The following PIGL variants were observed in gnomAD, a reference collection of about 807,000 sequenced individuals.
PIGL encodes the protein phosphatidylinositol glycan anchor biosynthesis class L.
Under a neutral mutation model 31.1 loss-of-function variants are expected in PIGL, and 22 were observed. That is an observed-to-expected ratio of 0.71 (90% CI 0.51 to 1.01). The LOEUF (loss-of-function observed/expected upper bound fraction) is 1.01, where lower values mean the gene tolerates loss of function less well. Ranked by LOEUF, PIGL falls within the 50% of genes least tolerant of loss-of-function variation. The pLI is 0.00. For synonymous variants in PIGL, 131 were observed against 117.4 expected (o/e 1.12, Z -0.75); for missense variants, 302 against 315.9 (o/e 0.96, Z 0.33).
chr17:16,279,776 G>T (rs2142789210), intron 2 of PIGL: 1 of 152,316 alleles, frequency 6.6e-6, no homozygotes, highest in East Asian at 1.9e-4. Flanking sequence ...GCTTGAAGTG[G>T]ACTAGTATCT....
intron 2 of PIGL, among the ~76,000 whole-genome samples, chr17:16,282,512 C>T (rs1159802388): frequency 2.0e-5 from 3 of 152,082 alleles, no homozygotes; most frequent in Non-Finnish European, 4.4e-5. Flanking sequence ...AATCATTTTA[C>T]CTCCCAAACA....
intron 2 of PIGL, among the ~76,000 whole-genome samples, chr17:16,270,527 A>C (rs904635248): frequency 1.3e-5 from 2 of 152,064 alleles, no homozygotes; most frequent in Non-Finnish European, 2.9e-5. Flanking sequence ...CTGAGAAAAA[A>C]TTATGCAGTA....
rs1037602277 is a variant in PIGL, at chr17:16,316,796, G to C, written c.526+84G>C. On this transcript the variant is annotated intron_variant, in intron 5 of 6. Coordinates refer to ENST00000225609, the MANE Select transcript of PIGL (RefSeq NM_004278.4). ...AGGGGGAAATTTGCAAATCCACAGAGAGCTGCCCTCAGCCGAGCAGAGGCA... is the reference window on the plus strand; with the variant it reads ...AGGGGGAAATTTGCAAATCCACAGACAGCTGCCCTCAGCCGAGCAGAGGCA... 9 of 1,589,648 alleles carry C rather than the reference G, an allele frequency of 5.7e-6. No individual in the cohort carries two copies. The African/African-American group carries it at 8.1e-5, about 14-fold the overall frequency.
At chr17:16,239,791 C>T (rs1568787932) in intron 2 of PIGL, among the ~76,000 whole-genome samples, 1 of 145,654 alleles carries the variant, frequency 6.9e-6, no homozygotes, top group East Asian at 2.0e-4. Context: ...GAATTCAACT[C>T]TTTTTTTTTT....
chr17:16,219,755 G>GAGGTTTTGCT (rs1401580869), intron 1 of PIGL, among the ~76,000 whole-genome samples: 2 of 151,844 alleles, frequency 1.3e-5, no homozygotes, highest in African/African-American at 4.8e-5. Flanking sequence ...TGGTAGAGCT[G>GAGGTTTTGCT]AGGTTTTGCT....
intron 2 of PIGL, among the ~76,000 whole-genome samples, chr17:16,270,403 G>A (rs961720238): frequency 2.6e-5 from 4 of 151,594 alleles, no homozygotes; most frequent in African/African-American, 9.7e-5. Context: ...AGTTTTCCTA[G>A]ACTGATCCTC....
Position 16,314,219 on chromosome 17 carries a change from C to G in PIGL, c.494+605C>G, listed in dbSNP as rs182549129. ...ATACAAACATAGATGTGTTTCCTGTCCCCTAGCAAAGTGCTTCTCCTGGGC... is the reference window on the plus strand; with the variant it reads ...ATACAAACATAGATGTGTTTCCTGTGCCCTAGCAAAGTGCTTCTCCTGGGC... On this transcript the variant is annotated intron_variant, in intron 4 of 6. Coordinates refer to ENST00000225609, the MANE Select transcript of PIGL (RefSeq NM_004278.4). 1.5e-4 allele frequency among the ~76,000 whole-genome samples: 23 copies of G among 152,322 alleles called. No individual in the cohort carries two copies. The East Asian group carries it at 4.4e-3, about 29-fold the overall frequency.
chr17:16,256,333 GTTGTTTGT>G (rs370635313), intron 2 of PIGL, among the ~76,000 whole-genome samples: 2 of 151,796 alleles, frequency 1.3e-5, no homozygotes, highest in Admixed American at 6.6e-5. Flanking sequence ...GGGTTTTTTT[GTTGTTTGT>G]TTGTTTGTTT....
intron 1 of PIGL, among the ~76,000 whole-genome samples, chr17:16,232,151 A>C (rs2092681915): frequency 6.6e-6 from 1 of 152,020 alleles, no homozygotes; most frequent in Non-Finnish European, 1.5e-5. Flanking sequence ...GGTGGTGGGC[A>C]CCTGTAAACC....
At chr17:16,287,355 C>A (rs1324219181) in intron 2 of PIGL, among the ~76,000 whole-genome samples, 1 of 152,212 alleles carries the variant, frequency 6.6e-6, no homozygotes, top group African/African-American at 2.4e-5. Context: ...GATTTTCTTA[C>A]AACTTTCAGA....
intron 2 of PIGL, among the ~76,000 whole-genome samples, chr17:16,273,948 G>A (rs567900320): frequency 3.3e-4 from 50 of 152,300 alleles, no homozygotes; most frequent in African/African-American, 1.2e-3. Context: ...GGAGGGTGAG[G>A]TCTCCAGGTT....
At chr17:16,313,514 G>A in intron 3 of PIGL, 33 bp from the exon 4 acceptor site, 1 of 1,515,906 alleles carries the variant, frequency 6.6e-7, no homozygotes, top group Non-Finnish European at 9.2e-7. Context: ...TGGTGGAGAA[G>A]GCATTCAGTG....
rs749459552 is a variant in PIGL at position 16,258,069 on chromosome 17, AAGAGAGAGAGAGAG to A, written c.335+24019_335+24032del. Among the ~76,000 whole-genome samples, 36 of 90,544 alleles carry A rather than the reference AAGAGAGAGAGAGAG, an allele frequency of 4.0e-4. 1 individual carries two copies. The highest frequency in any genetic ancestry group is 7.5e-3 in the Middle Eastern group (1 of 134). The allele number at this position is 90,544 out of a possible 152,430, so 59.4% of individuals were successfully genotyped here. A position where few individuals can be genotyped will look rare whatever the true frequency, so the allele number is the denominator to read the frequency against. ...CAGGAGCAAAACTTTGTCAGAAAGA[AAGAGAGAGAGAGAG>A]AGAGAGAGAGAGAGAGAGAAAGAGA... On this transcript the variant is annotated intron_variant, in intron 2 of 6. Transcript: ENST00000225609.
chr17:16,279,033 G>A (rs759145570), intron 2 of PIGL, among the ~76,000 whole-genome samples: 2 of 152,160 alleles, frequency 1.3e-5, no homozygotes, highest in African/African-American at 2.4e-5. Flanking sequence ...AACAGGCCCA[G>A]GAAAGCACAC....
intron 2 of PIGL, among the ~76,000 whole-genome samples, chr17:16,255,786 C>T (rs2092791344): frequency 6.6e-6 from 1 of 152,198 alleles, no homozygotes; most frequent in Admixed American, 6.6e-5. Flanking sequence ...GGCTGAGGCT[C>T]AAGGGCACAG....
At chr17:16,309,923 C>A (rs1411184735) in intron 3 of PIGL, among the ~76,000 whole-genome samples, 1 of 151,248 alleles carries the variant, frequency 6.6e-6, no homozygotes, top group Non-Finnish European at 1.5e-5. Flanking sequence ...ACTGAAAATA[C>A]AAAAATTAGC....
chr17:16,218,740 G>A (rs1201381462), intron 1 of PIGL, among the ~76,000 whole-genome samples: 2 of 147,420 alleles, frequency 1.4e-5, no homozygotes, highest in East Asian at 2.0e-4. Context: ...GTGCCGTGGC[G>A]TGATCTCGGC....
intron 6 of PIGL, among the ~76,000 whole-genome samples, chr17:16,323,670 T>C (rs1423805935): frequency 6.9e-6 from 1 of 144,626 alleles, no homozygotes. Context: ...TGGAGTGTAG[T>C]GGTAAGATCT....
In PIGL at chr17:16,313,531, C is replaced by G; in HGVS notation, c.427-16C>G. 1 of 1,605,184 alleles carries G rather than the reference C, an allele frequency of 6.2e-7. No homozygotes were observed. The highest frequency in any genetic ancestry group is 2.2e-5 in the East Asian group (1 of 44,858). On this transcript the variant is annotated splice_polypyrimidine_tract_variant and intron_variant, in intron 3 of 6. Transcript: ENST00000225609. Reference sequence around the variant, plus strand: ...GTGGAGAAGGCATTCAGTGAAAACCCTGTGTTTCTCTACAGGTGGTGACTT... The same window carrying G: ...GTGGAGAAGGCATTCAGTGAAAACCGTGTGTTTCTCTACAGGTGGTGACTT...
Sources: allele counts gnomAD v4.1 joint callset (sites outside exome capture counted in the v4.1 genomes callset), GRCh38; gene constraint gnomAD v4.1.1; transcripts MANE v1.5; gene names NCBI Gene and HGNC (gene_info 2026-07-23, HGNC 2026-07-21).